The following POU2F2 variants were observed in gnomAD, a reference collection of about 807,000 sequenced individuals.
POU2F2 encodes POU domain, class 2, transcription factor 2.
In POU2F2, 14 loss-of-function variants were observed where a neutral mutation model predicts 63.5. The observed-to-expected ratio is 0.22, with a 90% CI of 0.15 to 0.34. The LOEUF (loss-of-function observed/expected upper bound fraction) is 0.34. Ranked by LOEUF, POU2F2 falls within the 10% of genes least tolerant of loss-of-function variation. The probability of loss-of-function intolerance (pLI) is 1.00; values close to 1 mark genes in which losing one functional copy is unlikely to be tolerated. For synonymous variants in POU2F2, 306 were observed against 348.6 expected (o/e 0.88, Z 1.36); for missense variants, 607 against 815.2 (o/e 0.74, Z 3.11).
chr19:42,177,279 G>T (rs545939328), upstream of POU2F2: 1,758 of 155,832 alleles, frequency 0.011, 28 homozygotes, highest in Non-Finnish European at 0.014. Flanking sequence ...TCCCGCGCCC[G>T]CTCGCTGCCT....
At chr19:42,167,806 C>CT (rs1331850099) in intron 1 of POU2F2, among the ~76,000 whole-genome samples, 1 of 152,204 alleles carries the variant, frequency 6.6e-6, no homozygotes, top group Non-Finnish European at 1.5e-5. Flanking sequence ...CCCATATTGC[C>CT]TATGGGGCCT....
chr19:42,089,710 TTATATATA>T lies in POU2F2; in HGVS notation c.*1539_*1546del. The T allele has an allele frequency of 7.0e-6, 1 of 143,700 alleles. No individual in the cohort carries two copies. Among genetic ancestry groups the T allele is most frequent in the East Asian group, 2.0e-4 (1 of 5,002 alleles). The allele number at this position is 143,700 out of a possible 1,614,324, so 8.9% of individuals were successfully genotyped here. ...GAAGAGTCCTCATCTTCTTTCCCTT[TTATATATA>T]TATATATATATATGTTTATATATAT... On this transcript the variant is annotated 3_prime_UTR_variant, in exon 15 of 15. Transcript: ENST00000692977.
Position 42,122,118 on chromosome 19 carries a change from G to T in POU2F2, c.186+8C>A, listed in dbSNP as rs1428519204. 6.2e-7 allele frequency: 1 copy of T among 1,610,920 alleles called. No homozygotes were observed. The highest frequency in any genetic ancestry group is 8.5e-7 in the Non-Finnish European group (1 of 1,177,130). On this transcript the variant is annotated splice_region_variant and intron_variant, in intron 4 of 14. Transcript: ENST00000692977. ...CCCACTTCCCTGGCTGTTCTGACAGGTGCTTACCTTTGTACTGGGGCCAGT... is the reference window on the plus strand; with the variant it reads ...CCCACTTCCCTGGCTGTTCTGACAGTTGCTTACCTTTGTACTGGGGCCAGT...
At chr19:42,129,453 C>T (rs2146698921) in intron 1 of POU2F2, among the ~76,000 whole-genome samples, 2 of 152,260 alleles carry the variant, frequency 1.3e-5, no homozygotes, top group Middle Eastern at 6.8e-3. Flanking sequence ...CCTCCCACTC[C>T]TCCCTCCCCG....
chr19:42,108,367 G>T (rs1328747586), intron 5 of POU2F2, among the ~76,000 whole-genome samples: 2 of 152,194 alleles, frequency 1.3e-5, no homozygotes, highest in Non-Finnish European at 2.9e-5. Context: ...GAGACAGGTG[G>T]ATTGCTTGAG....
chr19:42,094,853 ATGTCCCAGCTG>A (rs1236923446), intron 11 of POU2F2, among the ~76,000 whole-genome samples: 4 of 152,220 alleles, frequency 2.6e-5, no homozygotes, highest in Non-Finnish European at 5.9e-5. Flanking sequence ...GGGATAAAGG[ATGTCCCAGCTG>A]TGTCTGATAT....
intron 5 of POU2F2, among the ~76,000 whole-genome samples, chr19:42,104,137 G>A (rs763863320): frequency 3.3e-5 from 5 of 152,206 alleles, no homozygotes; most frequent in South Asian, 2.1e-4. Context: ...AGATTCACTC[G>A]CAATAAGATA....
chr19:42,161,958 G>A (rs1444982359), intron 1 of POU2F2, among the ~76,000 whole-genome samples: 3 of 152,202 alleles, frequency 2.0e-5, no homozygotes, highest in Non-Finnish European at 2.9e-5. Flanking sequence ...GGGCAAAATC[G>A]ATGGCGTTTA....
chr19:42,119,133 AAGAG>A (rs981800265), intron 4 of POU2F2, among the ~76,000 whole-genome samples: 8 of 151,506 alleles, frequency 5.3e-5, no homozygotes, highest in African/African-American at 1.7e-4. Flanking sequence ...TTAAAAAAAA[AAGAG>A]AGAGAGAGAG....
intron 1 of POU2F2, among the ~76,000 whole-genome samples, chr19:42,123,586 G>A (rs1318191310): frequency 1.3e-5 from 2 of 152,148 alleles, no homozygotes; most frequent in Non-Finnish European, 2.9e-5. Flanking sequence ...CTCCCCAAAA[G>A]CACAGCAAGA....
chr19:42,139,150 C>T (rs1212033593), intron 2 of POU2F2, among the ~76,000 whole-genome samples: 1 of 152,120 alleles, frequency 6.6e-6, no homozygotes, highest in African/African-American at 2.4e-5. Flanking sequence ...AAAACCCCAT[C>T]TCTACTGAAA....
intron 12 of POU2F2, chr19:42,093,566 G>A: frequency 2.6e-6 from 1 of 385,840 alleles, no homozygotes; most frequent in Non-Finnish European, 4.6e-6. Flanking sequence ...AATGACAGAG[G>A]CCAGGCACAA....
intron 1 of POU2F2, among the ~76,000 whole-genome samples, chr19:42,175,442 A>T (rs2034855058): frequency 6.6e-6 from 1 of 151,708 alleles, no homozygotes; most frequent in African/African-American, 2.4e-5. Flanking sequence ...AACAGGGGAA[A>T]TGAGTGGCAG....
intron 2 of POU2F2, among the ~76,000 whole-genome samples, chr19:42,146,870 C>T (rs2034244923): frequency 6.6e-6 from 1 of 152,242 alleles, no homozygotes; most frequent in African/African-American, 2.4e-5. Context: ...TCACTCTCTG[C>T]TCTCCACTTC....
intron 1 of POU2F2, among the ~76,000 whole-genome samples, chr19:42,188,669 CAAAAAAA>C (rs998040622): frequency 2.6e-5 from 1 of 38,168 alleles, no homozygotes. Flanking sequence ...GAGTTCATCT[CAAAAAAA>C]AAAAAAAAAA....
At chr19:42,183,793 T>C (rs2034987485) in intron 1 of POU2F2, among the ~76,000 whole-genome samples, 1 of 152,044 alleles carries the variant, frequency 6.6e-6, no homozygotes, top group African/African-American at 2.4e-5. Context: ...GAAGAAGAGC[T>C]TTCACATGGA....
chr19:42,132,398 C>A lies in POU2F2; in HGVS notation c.14G>T (p.Ser5Ile). MVHS[S>I]MGAPEIRMSK... ...AGCCCCCTTACCTGGAGCCCCCATG[C>A]TGGAGTGAACCATGCTGCCCGCCCC... is the stretch of plus-strand genomic sequence containing the variant. The change falls in exon 1 of 15, where the codon AGC becomes ATC. Residue 5 changes from serine to isoleucine, a missense_variant. Around this residue, in one of 7 missense-constraint regions of POU2F2, gnomAD observed 224 missense variants for 264.3 expected, o/e 0.85. Transcript: ENST00000692977. 1 of 1,556,762 alleles carries A rather than the reference C, an allele frequency of 6.4e-7. No individual in the cohort carries two copies. The highest frequency in any genetic ancestry group is 1.2e-5 in the South Asian group (1 of 85,154).
intron 1 of POU2F2, among the ~76,000 whole-genome samples, chr19:42,130,321 A>G (rs1390894718): frequency 6.6e-6 from 1 of 152,190 alleles, no homozygotes; most frequent in Non-Finnish European, 1.5e-5. Context: ...ACACAAGTGC[A>G]CACACATACA....
rs993540252 is a variant in POU2F2, at chr19:42,154,198, G to T, written c.-9+6134C>A. On this transcript the variant is annotated intron_variant, in intron 2 of 6. Transcript: ENST00000524801. ...TGGGTGTTAGAAACAGGAAAAAAAGGGGGGGACAGGGAGGGGGAGCGAGAG... is the reference window on the plus strand; with the variant it reads ...TGGGTGTTAGAAACAGGAAAAAAAGTGGGGGACAGGGAGGGGGAGCGAGAG... 3.3e-5 allele frequency among the ~76,000 whole-genome samples: 5 copies of T among 151,972 alleles called. No individual in the cohort carries two copies. In the South Asian group the frequency reaches 8.3e-4, roughly 25 times the overall value.
Sources: allele counts gnomAD v4.1 joint callset (sites outside exome capture counted in the v4.1 genomes callset), GRCh38; gene constraint gnomAD v4.1.1; regional missense constraint gnomAD v4.1.1; transcripts MANE v1.5; gene names NCBI Gene and HGNC (gene_info 2026-07-23, HGNC 2026-07-21).